CUL5: variants seen among roughly 807,000 people sequenced by gnomAD.
The protein encoded by CUL5 is cullin 5, also known as cullin-5.
Under a neutral mutation model 108.8 loss-of-function variants are expected in CUL5, and 26 were observed. That is an observed-to-expected ratio of 0.24 (90% confidence interval 0.18 to 0.33). The LOEUF is 0.33. CUL5 is among the 10% of genes least tolerant of loss of function. The probability of loss-of-function intolerance (pLI) is 1.00; values close to 1 mark genes in which losing one functional copy is unlikely to be tolerated. For synonymous variants in CUL5, 334 were observed against 298.0 expected (o/e 1.12, Z -1.25); for missense variants, 524 against 909.2 (o/e 0.58, Z 5.45).
intron 5 of CUL5, among the ~76,000 whole-genome samples, chr11:108,053,893 C>T (rs1246834594): frequency 6.6e-6 from 1 of 151,828 alleles, no homozygotes; most frequent in African/African-American, 2.4e-5. Flanking sequence ...CACTCTGTCA[C>T]CCAGGCTGAA....
intron 4 of CUL5, among the ~76,000 whole-genome samples, chr11:108,051,962 T>C (rs1237761548): frequency 1.3e-5 from 2 of 152,196 alleles, no homozygotes; most frequent in African/African-American, 4.8e-5. Flanking sequence ...ACACTTGTTC[T>C]TTATTTACTT....
At chr11:108,053,267 A>C (rs1244477614) in intron 5 of CUL5, among the ~76,000 whole-genome samples, 1 of 152,152 alleles carries the variant, frequency 6.6e-6, no homozygotes, top group Non-Finnish European at 1.5e-5. Context: ...GAGTAAGTTA[A>C]CTTCTCTCAT....
chr11:108,043,058 C>T (rs965933799), intron 2 of CUL5, among the ~76,000 whole-genome samples: 17 of 152,120 alleles, frequency 1.1e-4, no homozygotes, highest in South Asian at 2.1e-4. Context: ...CCGCCATGCC[C>T]GGCCTGTTTC....
chr11:108,048,648 C>A (rs960814599), intron 3 of CUL5, among the ~76,000 whole-genome samples: 17 of 116,870 alleles, frequency 1.5e-4, no homozygotes, highest in African/African-American at 5.8e-4. Context: ...ACTCCACCAC[C>A]TTTTTTTTTT....
At chr11:108,011,940 A>T (rs1420174709) in intron 1 of CUL5, among the ~76,000 whole-genome samples, 1 of 152,114 alleles carries the variant, frequency 6.6e-6, no homozygotes, top group Non-Finnish European at 1.5e-5. Context: ...TTCTTTTTTA[A>T]TATTGGAATT....
chr11:108,090,445 C>T (rs996784373), intron 13 of CUL5, among the ~76,000 whole-genome samples: 3 of 151,980 alleles, frequency 2.0e-5, no homozygotes, highest in African/African-American at 2.4e-5. Flanking sequence ...GAGCTGAAAT[C>T]GAGCCACTGA....
intron 18 of CUL5, among the ~76,000 whole-genome samples, chr11:108,099,503 A>AT (rs1864591012): frequency 6.6e-6 from 1 of 152,234 alleles, no homozygotes; most frequent in African/African-American, 2.4e-5. Context: ...TAGGAGCTGT[A>AT]TGAAAAGAGT....
At chr11:108,042,931 T>A (rs1173997115) in intron 2 of CUL5, among the ~76,000 whole-genome samples, 1 of 152,050 alleles carries the variant, frequency 6.6e-6, no homozygotes, top group Non-Finnish European at 1.5e-5. Context: ...CCTGGCTAAT[T>A]TTTGTATTTT....
Position 108,009,234 on chromosome 11 carries a change from C to A in CUL5, c.-115C>A. On this transcript the variant is annotated 5_prime_UTR_variant, in exon 1 of 19. Transcript: ENST00000393094. ...CGCGCTGCTCCAGCGCCCACCACAC[C>A]CTGGTGCGGGCCGACGGGCCCTGGG... 1 of 1,135,038 alleles carries A rather than the reference C, an allele frequency of 8.8e-7. No homozygotes were observed. Among genetic ancestry groups the A allele is most frequent in the Non-Finnish European group, 1.3e-6 (1 of 768,598 alleles). The allele number at this position is 1,135,038 out of a possible 1,614,324, so 70.3% of individuals were successfully genotyped here. A position where few individuals can be genotyped will look rare whatever the true frequency, so the allele number is the denominator to read the frequency against.
intron 3 of CUL5, among the ~76,000 whole-genome samples, chr11:108,046,862 A>T (rs1008107218): frequency 6.6e-6 from 1 of 152,230 alleles, no homozygotes. Flanking sequence ...TCAAAAGCTC[A>T]TTTAGGCATT....
At chr11:108,031,293 A>G (rs1862575351) in intron 1 of CUL5, among the ~76,000 whole-genome samples, 1 of 151,152 alleles carries the variant, frequency 6.6e-6, no homozygotes, top group South Asian at 2.1e-4. Context: ...TGACCCTGGG[A>G]GGTAGAGGCT....
intron 16 of CUL5, among the ~76,000 whole-genome samples, chr11:108,096,766 A>G (rs557094112): frequency 6.6e-6 from 1 of 151,828 alleles, no homozygotes; most frequent in Non-Finnish European, 1.5e-5. Flanking sequence ...GGGTTTCACC[A>G]TGTTGGTCAG....
chr11:108,073,316 TTA>T, intron 9 of CUL5, 72 bp from the exon 10 acceptor site: 5 of 683,682 alleles, frequency 7.3e-6, no homozygotes, highest in Admixed American at 6.4e-5. Context: ...TTTATTAAAA[TTA>T]TGTTTATTTT....
chr11:108,034,284 T>C (rs567199887), intron 2 of CUL5, among the ~76,000 whole-genome samples: 12 of 152,346 alleles, frequency 7.9e-5, no homozygotes, highest in African/African-American at 2.6e-4. Flanking sequence ...GCGTGTGATA[T>C]GTTGTCTACC....
chr11:108,070,202 T>A lies in CUL5; in HGVS notation c.874+13T>A, dbSNP rs1863785264. On this transcript the variant is annotated intron_variant, in intron 8 of 18. Transcript: ENST00000393094. ...AATGAAACTGAAAGTAGGTAAAACA[T>A]CACATAAAGTTATCATAATCTTCTA... 1 of 1,559,290 alleles carries A rather than the reference T, an allele frequency of 6.4e-7. No homozygotes were observed. Among genetic ancestry groups the A allele is most frequent in the Non-Finnish European group, 8.8e-7 (1 of 1,132,884 alleles).
At chr11:108,072,246 A>G in intron 8 of CUL5, 86 bp from the exon 9 acceptor site, 1 of 1,133,702 alleles carries the variant, frequency 8.8e-7, no homozygotes, top group South Asian at 1.7e-5. Context: ...ACAGAATACT[A>G]TTAACATTAC....
At chr11:108,062,599 A>G (rs1863566997) in intron 7 of CUL5, among the ~76,000 whole-genome samples, 1 of 150,770 alleles carries the variant, frequency 6.6e-6, no homozygotes, top group South Asian at 2.1e-4. Context: ...TTGTGCATAC[A>G]TACATGGTGT....
At position 108,052,706 on chromosome 11, in the gene CUL5, A is replaced by C; in HGVS notation, c.458A>C (p.Asn153Thr). The C allele has an allele frequency of 6.2e-7, 1 of 1,612,952 alleles. No individual in the cohort carries two copies. Among genetic ancestry groups the C allele is most frequent in the South Asian group, 1.1e-5 (1 of 90,820 alleles). ...GAGTCAATCTTTTCAAACATAAAAAACAGACTCCAAGATAGTGCAATGAAG... is the reference window on the plus strand; with the variant it reads ...GAGTCAATCTTTTCAAACATAAAAACCAGACTCCAAGATAGTGCAATGAAG... ...WNESIFSNIKNRLQDSAMKLV... is the reference protein window; with the variant it reads ...WNESIFSNIKTRLQDSAMKLV... The change falls in exon 5 of 19, where the codon AAC becomes ACC. Residue 153 changes from asparagine to threonine, a missense_variant. Asn to Thr is a moderately conservative substitution (Grantham distance 65). Around this residue, in one of 8 missense-constraint regions of CUL5, gnomAD observed 170 missense variants for 305.1 expected, o/e 0.56. Transcript: ENST00000393094.
At position 108,048,648 on chromosome 11, in the gene CUL5, C is replaced by CTTTTTTTTTTTTT. The variant is rs200991204; in HGVS notation, c.235-1218_235-1206dup. ...ATAGTGGGGAAATAGACTCCACCACCTTTTTTTTTTTTTTTTTTTTTTTTT... is the reference window on the plus strand; with the variant it reads ...ATAGTGGGGAAATAGACTCCACCACCTTTTTTTTTTTTTTTTTTTTTTTTTTTTTTTTTTTTTT... On this transcript the variant is annotated intron_variant, in intron 3 of 18. Transcript: ENST00000393094. 1.4e-3 allele frequency among the ~76,000 whole-genome samples: 164 copies of CTTTTTTTTTTTTT among 116,826 alleles called. 4 individuals are homozygous for CTTTTTTTTTTTTT. The highest frequency in any genetic ancestry group is 1.8e-3 in the Non-Finnish European group (109 of 58,958). The allele number at this position is 116,826 out of a possible 152,430, so 76.6% of individuals were successfully genotyped here.
Sources: gnomAD v4.1 joint callset for allele counts (sites outside exome capture counted in the v4.1 genomes callset) on GRCh38, gnomAD v4.1.1 for gene constraint, gnomAD v4.1.1 regional missense constraint, MANE v1.5 for transcripts, NCBI Gene and HGNC (gene_info 2026-07-23, HGNC 2026-07-21) for gene names.